The following CATSPER2 variants were observed in gnomAD, a reference collection of about 807,000 sequenced individuals.
CATSPER2 encodes the protein cation channel sperm-associated protein 2.
A neutral mutation model predicts 68.8 loss-of-function variants in CATSPER2; 56 were observed. The observed-to-expected ratio is 0.81, with a 90% confidence interval of 0.66 to 1.02. The LOEUF (loss-of-function observed/expected upper bound fraction) is 1.02, where lower values mean the gene tolerates loss of function less well. CATSPER2 is among the 50% of genes least tolerant of loss of function. The pLI, the probability that CATSPER2 is intolerant of heterozygous loss-of-function variation, is 0.00. For synonymous variants in CATSPER2, 198 were observed against 229.9 expected (o/e 0.86, Z 1.26); for missense variants, 582 against 642.0 (o/e 0.91, Z 1.01).
At chr15:43,632,493 C>A in intron 11 of CATSPER2, 130 bp from the exon 12 acceptor site, 1 of 1,405,626 alleles carries the variant, frequency 7.1e-7, no homozygotes, top group South Asian at 1.2e-5. Flanking sequence ...GGAAAGGGTG[C>A]ATCAGTAAGA....
chr15:43,643,424 G>A (rs1315794919), intron 4 of CATSPER2, among the ~76,000 whole-genome samples: 2 of 150,450 alleles, frequency 1.3e-5, no homozygotes, highest in African/African-American at 2.5e-5. Flanking sequence ...TGCAAACTCC[G>A]CCTCCCAGGT....
intron 6 of CATSPER2, chr15:43,639,409 A>AT: frequency 2.3e-6 from 1 of 443,078 alleles, no homozygotes; most frequent in South Asian, 2.3e-5. Flanking sequence ...CAAGCCCGGC[A>AT]ATTTTTTTTT....
chr15:43,632,649 C>T, intron 11 of CATSPER2, 68 bp downstream of exon 11: 3 of 1,609,942 alleles, frequency 1.9e-6, no homozygotes, highest in African/African-American at 1.3e-5. Context: ...CCTGTTAAGA[C>T]TAAGATGTCT....
At chr15:43,633,182 T>C in intron 10 of CATSPER2, 2 of 513,644 alleles carry the variant, frequency 3.9e-6, no homozygotes, top group South Asian at 4.2e-5. Context: ...ATATATCTTT[T>C]CTCAATAACT....
chr15:43,644,879 A>G (rs987231205), intron 4 of CATSPER2, among the ~76,000 whole-genome samples: 14 of 152,020 alleles, frequency 9.2e-5, no homozygotes, highest in Non-Finnish European at 1.8e-4. Context: ...AATTCTAGCC[A>G]TGCAAGGCAA....
chr15:43,643,799 C>T (rs562795263), intron 4 of CATSPER2, among the ~76,000 whole-genome samples: 1 of 152,038 alleles, frequency 6.6e-6, no homozygotes, highest in East Asian at 1.9e-4. Flanking sequence ...AAATTGTAAT[C>T]TTCAGGAATA....
intron 9 of CATSPER2, 145 bp downstream of exon 9, chr15:43,635,582 G>A: frequency 4.0e-6 from 4 of 988,412 alleles, no homozygotes; most frequent in Non-Finnish European, 4.8e-6. Flanking sequence ...GAAGAATCAG[G>A]CAATATTCTA....
chr15:43,648,065 T>C lies in CATSPER2; in HGVS notation c.-2-2A>G, dbSNP rs1372796779. 6.2e-7 allele frequency: 1 copy of C among 1,613,560 alleles called. No homozygotes were observed. On this transcript the variant is annotated splice_acceptor_variant, in intron 1 of 12. Coordinates refer to ENST00000396879, the MANE Select transcript of CATSPER2 (RefSeq NM_172095.4). LOFTEE classifies it low-confidence loss of function (5UTR_SPLICE). The stretch of plus-strand genomic sequence containing the variant: ...CTTCTTGTTGGTAAGCGGCCATGTC[T>C]GCTAAGAAAATGTAAGCATCAAGTG...
chr15:43,648,848 C>A (rs1375025890), upstream of CATSPER2: 6 of 1,526,708 alleles, frequency 3.9e-6, no homozygotes, highest in South Asian at 4.8e-5. Flanking sequence ...GAGCAACGCT[C>A]GCCCAGCCAC....
At chr15:43,630,961 T>G (rs1366223286) in intron 12 of CATSPER2, among the ~76,000 whole-genome samples, 1 of 152,028 alleles carries the variant, frequency 6.6e-6, no homozygotes, top group African/African-American at 2.4e-5. Flanking sequence ...CCCTAGAGAA[T>G]AAGTGGGAAG....
At chr15:43,633,063 A>G in intron 10 of CATSPER2, 129 bp from the exon 11 acceptor site, 1 of 792,296 alleles carries the variant, frequency 1.3e-6, no homozygotes, top group East Asian at 2.7e-5. Flanking sequence ...CTACTCCCAA[A>G]CTCTAAACTC....
At position 43,629,645 on chromosome 15, in the gene CATSPER2, A is replaced by G. The variant is rs1446718410; in HGVS notation, c.*1056T>C. 6.8e-6 allele frequency: 1 copy of G among 147,666 alleles called. No homozygotes were observed. Among genetic ancestry groups the G allele is most frequent in the Non-Finnish European group, 1.5e-5 (1 of 67,242 alleles). The allele number at this position is 147,666 out of a possible 1,614,324, so 9.1% of individuals were successfully genotyped here. A position where few individuals can be genotyped will look rare whatever the true frequency, so the allele number is the denominator to read the frequency against. On this transcript the variant is annotated 3_prime_UTR_variant, in exon 13 of 13. Coordinates refer to ENST00000396879, the MANE Select transcript of CATSPER2 (RefSeq NM_172095.4). Reference sequence around the variant, plus strand: ...TCCCAAATAACTAGAAACATTAAGCATTACCTGGATAATCCTCCTTTCAGT... The same window carrying G: ...TCCCAAATAACTAGAAACATTAAGCGTTACCTGGATAATCCTCCTTTCAGT...
At chr15:43,632,408 A>C (rs763341520) in intron 11 of CATSPER2, 45 bp from the exon 12 acceptor site, 1 of 1,608,136 alleles carries the variant, frequency 6.2e-7, no homozygotes, top group Non-Finnish European at 8.5e-7. Context: ...GATTTGTAAA[A>C]GTTGGGTAAG....
intron 4 of CATSPER2, 56 bp downstream of exon 4, chr15:43,646,994 C>T (rs1404704547): frequency 1.2e-5 from 17 of 1,460,756 alleles, no homozygotes; most frequent in Non-Finnish European, 1.6e-5. Flanking sequence ...TAGGATTACA[C>T]GTGTGAGCCG....
At position 43,630,381 on chromosome 15, in the gene CATSPER2, G is replaced by A; in HGVS notation, c.*320C>T. ...AGTATTTATAAGACACTTATACAGA[G>A]TCTCACTCTGTTGCCCAGGCTGGAG... On this transcript the variant is annotated 3_prime_UTR_variant, in exon 13 of 13. Transcript: ENST00000396879. The A allele has an allele frequency of 2.5e-6, 1 of 399,768 alleles. No homozygotes were observed. The highest frequency in any genetic ancestry group is 4.7e-6 in the Non-Finnish European group (1 of 211,426). The allele number at this position is 399,768 out of a possible 1,614,324, so 24.8% of individuals were successfully genotyped here.
At position 43,630,267 on chromosome 15, in the gene CATSPER2, C is replaced by G. The variant is rs567892069; in HGVS notation, c.*434G>C. The G allele has an allele frequency of 4.0e-6, 1 of 251,492 alleles. No homozygotes were observed. Among genetic ancestry groups the G allele is most frequent in the East Asian group, 9.1e-5 (1 of 10,984 alleles). 15.6% of individuals were successfully genotyped at this position (251,492 alleles called of 1,614,324 possible). ...TAGCTGGGACTAGAGGCACACATCA[C>G]CACACTCAGCTTGAACTAACTCTTT... On this transcript the variant is annotated 3_prime_UTR_variant, in exon 13 of 13. Transcript: ENST00000396879.
rs779585714 is a variant in CATSPER2 at position 43,635,394 on chromosome 15, C to T, written c.1144G>A (p.Ala382Thr). 28 of 1,608,554 alleles carry T rather than the reference C, an allele frequency of 1.7e-5. 2 individuals are homozygous for T. The highest frequency in any genetic ancestry group is 1.7e-5 in the Non-Finnish European group (20 of 1,179,150). Residue 382 changes from alanine (A) to threonine (T), a missense_variant, in exon 10 of 13, where the codon GCA becomes ACA. By Grantham distance (58) the Ala-to-Thr change is moderately conservative. Coordinates refer to ENST00000396879, the MANE Select transcript of CATSPER2 (RefSeq NM_172095.4). ...ATTTTGCTATGGCTTGACGTCAGTG[C>T]TTCATGTGACATGTTTTTTCTCCTG... ...IQRRKNMSHEALTSSHSKIED... is the reference protein window; with the variant it reads ...IQRRKNMSHETLTSSHSKIED...
At position 43,632,203 on chromosome 15, in the gene CATSPER2, A is replaced by T; in HGVS notation, c.1557T>A (p.Phe519Leu). The part of the protein sequence containing the change: ...NLEERKKLQE[F>L]AVQALMNLED... The stretch of plus-strand genomic sequence containing the variant: ...ATGACTGCCCTAACTCCATACCTGC[A>T]AACTCTTGTAACTTCTTACGTTCCT... The change falls in exon 12 of 13, where the codon TTT (phenylalanine) becomes TTA (leucine). Residue 519 changes from phenylalanine (F) to leucine (L), a missense_variant. Around this residue, in one of 5 missense-constraint regions of CATSPER2, gnomAD observed 235 missense variants for 264.2 expected, o/e 0.89. Transcript: ENST00000396879. 6.2e-7 allele frequency: 1 copy of T among 1,613,536 alleles called. No individual in the cohort carries two copies. The highest frequency in any genetic ancestry group is 8.5e-7 in the Non-Finnish European group (1 of 1,179,632).
intron 4 of CATSPER2, chr15:43,642,557 G>A (rs1727400963): frequency 1.5e-5 from 2 of 129,208 alleles, no homozygotes; most frequent in Admixed American, 8.6e-5. Context: ...GACCACATTT[G>A]TGGCTGGAAA....
Sources: allele counts gnomAD v4.1 joint callset (sites outside exome capture counted in the v4.1 genomes callset), GRCh38; gene constraint gnomAD v4.1.1; regional missense constraint gnomAD v4.1.1; transcripts MANE v1.5; gene names NCBI Gene and HGNC (gene_info 2026-07-23, HGNC 2026-07-21).